The following PEAR1 variants were observed in gnomAD, a reference collection of about 807,000 sequenced individuals.
The protein encoded by PEAR1 is platelet endothelial aggregation receptor 1.
PEAR1 carries 113 observed loss-of-function variants against 131.2 expected under a neutral mutation model. The ratio of observed to expected loss-of-function variants is 0.86; its 90% confidence interval spans 0.74 to 1.01. The LOEUF (loss-of-function observed/expected upper bound fraction) is 1.01, where lower values mean the gene tolerates loss of function less well. PEAR1 is among the 50% of genes least tolerant of loss of function. PEAR1 has a pLI of 0.00. For synonymous variants in PEAR1, 565 were observed against 523.3 expected (o/e 1.08, Z -1.09); for missense variants, 1,408 against 1,391.1 (o/e 1.01, Z -0.19).
chr1:156,905,082 T>TC (rs1491229267), intron 3 of PEAR1: 1 of 880,246 alleles, frequency 1.1e-6, no homozygotes, highest in Admixed American at 2.4e-5. Context: ...CCTGTGGGGT[T>TC]GGGGGGGGGG....
intron 1 of PEAR1, among the ~76,000 whole-genome samples, chr1:156,894,684 C>A (rs374298591): frequency 6.6e-6 from 1 of 152,226 alleles, no homozygotes; most frequent in Non-Finnish European, 1.5e-5. Flanking sequence ...CCCCCACCCC[C>A]GTCTCCAGCC....
chr1:156,912,144 G>A, intron 15 of PEAR1, 103 bp from the exon 16 acceptor site: 3 of 1,430,156 alleles, frequency 2.1e-6, no homozygotes, highest in Non-Finnish European at 2.8e-6. Context: ...GTGTGCCCAG[G>A]GAGACCAAAG....
At position 156,914,177 on chromosome 1, in the gene PEAR1, G is replaced by A. The variant is rs921534419; in HGVS notation, c.2962+77G>A. 3.4e-6 allele frequency: 5 copies of A among 1,464,600 alleles called. No homozygotes were observed. In the African/African-American group the frequency reaches 7.1e-5, roughly 21 times the overall value. The allele number at this position is 1,464,600 out of a possible 1,614,324, so 90.7% of individuals were successfully genotyped here. ...GGCAGAAAAACAGAAGGAACAGAGG[G>A]AGAAGAGAAGGCATGATGTGGCATC... is the stretch of plus-strand genomic sequence containing the variant. On this transcript the variant is annotated intron_variant, in intron 22 of 22. Coordinates refer to ENST00000292357, the MANE Select transcript of PEAR1 (RefSeq NM_001080471.3).
In PEAR1 at chr1:156,913,867, AGGAGCTCGG is replaced by A; in HGVS notation, c.2732_2740del (p.Glu911_Gly913del). The A allele has an allele frequency of 1.2e-6, 2 of 1,613,362 alleles. No homozygotes were observed. The highest frequency in any genetic ancestry group is 1.7e-6 in the Non-Finnish European group (2 of 1,179,666). On this transcript the variant is annotated inframe_deletion, in exon 22 of 23. Transcript: ENST00000292357. ...CTATCCTTAGGGCTCATCTCTGAAGAGGAGCTCGGGGCCAGTGTGGCTTCCCTGAGCAGT... is the reference window on the plus strand; with the variant it reads ...CTATCCTTAGGGCTCATCTCTGAAGAGGCCAGTGTGGCTTCCCTGAGCAGT...
chr1:156,899,142 G>C (rs1014843815), intron 1 of PEAR1, among the ~76,000 whole-genome samples: 3 of 152,192 alleles, frequency 2.0e-5, no homozygotes, highest in Non-Finnish European at 4.4e-5. Flanking sequence ...GGGAGTGCTA[G>C]TCTCCCATTT....
At position 156,908,035 on chromosome 1, in the gene PEAR1, G is replaced by A; in HGVS notation, c.886G>A (p.Gly296Ser). 6.4e-7 allele frequency: 1 copy of A among 1,574,124 alleles called. No individual in the cohort carries two copies. The highest frequency in any genetic ancestry group is 1.2e-5 in the South Asian group (1 of 86,254). Residue 296 changes from glycine (G) to serine (S), a missense_variant, in exon 8 of 23, where the codon GGT becomes AGT. Gly to Ser is a moderately conservative substitution (Grantham distance 56). Transcript: ENST00000292357. This position sits in a 1 kb window ranked among gnomAD's most constrained non-coding sequence, Gnocchi z 4.2. Reference protein sequence around the residue: ...RFTGQCRCAPGYTGDRCREEC... With the variant: ...RFTGQCRCAPSYTGDRCREEC... Reference sequence around the variant, plus strand: ...CACTGGGCAGTGCCGCTGCGCTCCGGGTTACACTGGGGATCGGTGAGTGGC... The same window carrying A: ...CACTGGGCAGTGCCGCTGCGCTCCGAGTTACACTGGGGATCGGTGAGTGGC...
At chr1:156,895,381 C>T (rs1000919421) in intron 1 of PEAR1, among the ~76,000 whole-genome samples, 4 of 152,218 alleles carry the variant, frequency 2.6e-5, no homozygotes, top group African/African-American at 9.7e-5. Flanking sequence ...GCCTCCACCA[C>T]GGCATTCCCC....
At position 156,915,004 on chromosome 1, in the gene PEAR1, C is replaced by T. The variant is rs1397968614; in HGVS notation, c.*206C>T. The T allele has an allele frequency of 1.7e-6, 1 of 575,410 alleles. No individual in the cohort carries two copies. Among genetic ancestry groups the T allele is most frequent in the Non-Finnish European group, 2.9e-6 (1 of 346,224 alleles). 35.6% of individuals were successfully genotyped at this position (575,410 alleles called of 1,614,324 possible). A position where few individuals can be genotyped will look rare whatever the true frequency, so the allele number is the denominator to read the frequency against. On this transcript the variant is annotated 3_prime_UTR_variant, in exon 23 of 23. Coordinates refer to ENST00000292357, the MANE Select transcript of PEAR1 (RefSeq NM_001080471.3). ...ATCAGCAGGATGCCTGGCTCCCTTTCCCAACCCACTGCTCCCAAGGCCTCC... is the reference window on the plus strand; with the variant it reads ...ATCAGCAGGATGCCTGGCTCCCTTTTCCAACCCACTGCTCCCAAGGCCTCC...
rs1310281120 is a variant in PEAR1, at chr1:156,910,380, T to C, written c.1825T>C (p.Ser609Pro). The change falls in exon 14 of 23, where the codon TCC becomes CCC. Residue 609 changes from serine (S) to proline (P), a missense_variant and splice_region_variant. Ser to Pro is a moderately conservative substitution (Grantham distance 74, BLOSUM62 -1). Transcript: ENST00000292357. ...ATTCCGGGGCCCCTCCTGCCAGAGA[T>C]GTGAGGCTCCCTACTGCCCCTTCCA... ...PGFRGPSCQR[S>P]CQPGRYGKRC... The C allele has an allele frequency of 6.3e-7, 1 of 1,590,806 alleles. No homozygotes were observed. The highest frequency in any genetic ancestry group is 1.7e-5 in the Admixed American group (1 of 58,336).
chr1:156,900,072 A>G (rs1649533882), intron 1 of PEAR1, among the ~76,000 whole-genome samples: 1 of 151,888 alleles, frequency 6.6e-6, no homozygotes, highest in Non-Finnish European at 1.5e-5. Context: ...GCTCCCCACC[A>G]GAGGGAACCA....
Position 156,909,013 on chromosome 1 carries a change from A to C in PEAR1, c.1388A>C (p.Asp463Ala). Reference sequence around the variant, plus strand: ...AATGCCATCGCCTGCTCACCCATCGACGGCGAGTGCGTCTGCAAGGAAGGT... The same window carrying C: ...AATGCCATCGCCTGCTCACCCATCGCCGGCGAGTGCGTCTGCAAGGAAGGT... ...CENAIACSPI[D>A]GECVCKEGWQ... The change falls in exon 11 of 23, where the codon GAC (aspartate) becomes GCC (alanine). Residue 463 changes from aspartate to alanine, a missense_variant. Transcript: ENST00000292357. 3 of 1,614,016 alleles carry C rather than the reference A, an allele frequency of 1.9e-6. No individual in the cohort carries two copies. The highest frequency in any genetic ancestry group is 1.3e-5 in the African/African-American group (1 of 75,008).
intron 15 of PEAR1, among the ~76,000 whole-genome samples, chr1:156,911,088 TCTTTC>T (rs769651123): frequency 1.1e-4 from 15 of 133,356 alleles, no homozygotes; most frequent in Admixed American, 1.5e-4. Context: ...TTTCTTTCTT[TCTTTC>T]CTTTCTTTCT....
intron 15 of PEAR1, among the ~76,000 whole-genome samples, chr1:156,911,234 T>TTTTCTTTCTTC (rs1437484001): frequency 1.3e-5 from 2 of 149,892 alleles, no homozygotes; most frequent in Non-Finnish European, 3.0e-5. Flanking sequence ...TCTTTCTTTC[T>TTTTCTTTCTTC]TTTCTTTCTT....
intron 6 of PEAR1, 55 bp downstream of exon 6, chr1:156,906,935 G>T (rs1650397996): frequency 1.9e-6 from 3 of 1,559,548 alleles, no homozygotes; most frequent in South Asian, 1.2e-5. Flanking sequence ...AGGCCACACA[G>T]ATCTATGTGG....
chr1:156,905,085 G>T lies in PEAR1; in HGVS notation c.206+233G>T, dbSNP rs542212850. ...TTACAGTATATGCCTGTGGGGTTGG[G>T]GGGGGGGCAAGAAGGGAATGCTCTT... On this transcript the variant is annotated intron_variant, in intron 3 of 22. Transcript: ENST00000292357. The T allele has an allele frequency of 1.6e-4, 212 of 1,324,704 alleles. 1 individual carries two copies. The highest frequency in any genetic ancestry group is 2.5e-4 in the African/African-American group (13 of 52,514). The allele number at this position is 1,324,704 out of a possible 1,614,324, so 82.1% of individuals were successfully genotyped here. A position where few individuals can be genotyped will look rare whatever the true frequency, so the allele number is the denominator to read the frequency against.
chr1:156,905,059 G>A, intron 3 of PEAR1: 1 of 1,333,448 alleles, frequency 7.5e-7, no homozygotes, highest in Non-Finnish European at 1.0e-6. Flanking sequence ...ACGCATGCAT[G>A]TTACAGTATA....
chr1:156,907,472 C>T (rs1014703911), intron 6 of PEAR1, 138 bp from the exon 7 acceptor site: 11 of 1,418,848 alleles, frequency 7.8e-6, no homozygotes, highest in South Asian at 1.7e-5. Context: ...TGCTTTCTGA[C>T]TCGACAGTCC....
intron 13 of PEAR1, 45 bp from the exon 14 acceptor site, chr1:156,910,189 C>A: frequency 6.2e-7 from 1 of 1,611,786 alleles, no homozygotes; most frequent in African/African-American, 1.3e-5. Flanking sequence ...CCCCCTGGAA[C>A]TGAAGGGGGC....
chr1:156,904,398 A>G (rs1570951476), intron 2 of PEAR1, among the ~76,000 whole-genome samples: 1 of 152,320 alleles, frequency 6.6e-6, no homozygotes, highest in East Asian at 1.9e-4. Context: ...AGGGCAGAAT[A>G]TAGCCGGAAA....
Sources: gnomAD v4.1 joint callset for allele counts (sites outside exome capture counted in the v4.1 genomes callset) on GRCh38, gnomAD v4.1.1 for gene constraint, Gnocchi (gnomAD v3.1) non-coding constraint, MANE v1.5 for transcripts, NCBI Gene and HGNC (gene_info 2026-07-23, HGNC 2026-07-21) for gene names.